Variants in BIN2 observed in about 807,000 individuals in gnomAD.
BIN2 encodes breast cancer associated protein BRAP1.
In BIN2, 43 loss-of-function variants were observed where a neutral mutation model predicts 67.9. The observed-to-expected ratio is 0.63, with a 90% CI of 0.50 to 0.82. The LOEUF (loss-of-function observed/expected upper bound fraction) is 0.82. BIN2 is among the 40% of genes least tolerant of loss of function. The pLI is 0.00. For missense variants in BIN2, 581 were observed against 671.6 expected (o/e 0.87, Z 1.49); for synonymous variants, 244 against 246.8 (o/e 0.99, Z 0.11).
chr12:51,288,171 T>A lies in BIN2; in HGVS notation c.1533A>T (p.Gly511=). The part of the protein sequence containing the change: ...LMTSQVASEP[G]EAKKMEDKEK... The stretch of plus-strand genomic sequence containing the variant: ...CCTTGTCTTCCATCTTCTTTGCCTC[T>A]CCAGGCTCTGAAGCAACCTGTGAAT... Residue 511 remains glycine (G), a synonymous_variant, in exon 11 of 13, where the codon GGA becomes GGT. Transcript: ENST00000615107. 1 of 1,613,924 alleles carries A rather than the reference T, an allele frequency of 6.2e-7. No individual in the cohort carries two copies. Among genetic ancestry groups the A allele is most frequent in the Non-Finnish European group, 8.5e-7 (1 of 1,179,790 alleles).
rs891553700 is a variant in BIN2 at position 51,288,320 on chromosome 12, G to A, written c.1516-132C>T. The A allele has an allele frequency of 2.6e-5, 17 of 660,438 alleles. No homozygotes were observed. The African/African-American group carries it at 3.1e-4, about 12-fold the overall frequency. 40.9% of individuals were successfully genotyped at this position (660,438 alleles called of 1,614,324 possible). On this transcript the variant is annotated intron_variant, in intron 10 of 12. Transcript: ENST00000615107. Reference sequence around the variant, plus strand: ...CCGAGGTAGCCTTGGTCAGACACAGGCAGTAGTAGGGTGGTGTGATCTAAC... The same window carrying A: ...CCGAGGTAGCCTTGGTCAGACACAGACAGTAGTAGGGTGGTGTGATCTAAC...
At chr12:51,299,019 G>A (rs1361363258) in intron 7 of BIN2, among the ~76,000 whole-genome samples, 184 bp downstream of exon 7, 1 of 151,438 alleles carries the variant, frequency 6.6e-6, no homozygotes, top group Non-Finnish European at 1.5e-5. Flanking sequence ...GTTGCAGTGA[G>A]CTGAGATTGA....
rs145913982 is a variant in BIN2 at position 51,285,769 on chromosome 12, G to A, written c.1597-982C>T. On this transcript the variant is annotated intron_variant, in intron 11 of 12. Transcript: ENST00000615107. ...CTCCCAAGTAGCTGGGATTACAGGC[G>A]CCCACCACCATGCCTGACTTTTAGT... Among the ~76,000 whole-genome samples the A allele has an allele frequency of 3.5e-3, 532 of 151,748 alleles. 1 individual carries two copies. The highest frequency in any genetic ancestry group is 0.012 in the African/African-American group (501 of 41,390).
chr12:51,293,476 A>AT (rs1318405361), intron 9 of BIN2, among the ~76,000 whole-genome samples: 304 of 151,050 alleles, frequency 2.0e-3, no homozygotes, highest in African/African-American at 6.9e-3. Context: ...TGCCCAGCTA[A>AT]TTTTTTTTTG....
At chr12:51,281,940 G>C (rs564245090) in intron 12 of BIN2, among the ~76,000 whole-genome samples, 8 of 152,110 alleles carry the variant, frequency 5.3e-5, no homozygotes, top group African/African-American at 1.9e-4. Context: ...AAAATTTGTT[G>C]CCTAGAATGG....
chr12:51,324,374 C>T, upstream of BIN2: 1 of 1,306,494 alleles, frequency 7.7e-7, no homozygotes, highest in Middle Eastern at 2.8e-4. Flanking sequence ...GAAACCTCGG[C>T]CTCACTGAAC....
chr12:51,297,576 A>G (rs901299825), intron 7 of BIN2, among the ~76,000 whole-genome samples: 25 of 151,976 alleles, frequency 1.6e-4, no homozygotes, highest in African/African-American at 5.8e-4. Flanking sequence ...TAAAAAATAA[A>G]AAAAGAAAGC....
chr12:51,288,925 T>G lies in BIN2; in HGVS notation c.1516-737A>C, dbSNP rs146352166. Among the ~76,000 whole-genome samples the G allele has an allele frequency of 2.6e-4, 39 of 152,084 alleles. No individual in the cohort carries two copies. In the Middle Eastern group the frequency reaches 0.014, roughly 53 times the overall value. On this transcript the variant is annotated intron_variant, in intron 10 of 12. Coordinates refer to ENST00000615107, the MANE Select transcript of BIN2 (RefSeq NM_016293.4). ...CACCATGCCCAACAAACTTTTTGTA[T>G]TTTTAGTAGAGACGGGGTTTCACCA...
intron 1 of BIN2, among the ~76,000 whole-genome samples, chr12:51,322,421 C>CA (rs1354050082): frequency 6.6e-6 from 1 of 152,058 alleles, no homozygotes; most frequent in East Asian, 1.9e-4. Flanking sequence ...TTTTTTGAGA[C>CA]AGAGTCTCCC....
At chr12:51,324,321 C>T (rs1946376028), upstream of BIN2, 1 of 1,347,390 alleles carries the variant, frequency 7.4e-7, no homozygotes, top group East Asian at 2.7e-5. Context: ...TACCCTCAGG[C>T]AGCGCTCGCT....
intron 2 of BIN2, among the ~76,000 whole-genome samples, chr12:51,306,880 T>C (rs1945876263): frequency 6.6e-6 from 1 of 152,200 alleles, no homozygotes; most frequent in Non-Finnish European, 1.5e-5. Context: ...GTTAAATGTA[T>C]ACAACATCTT....
chr12:51,295,604 A>T (rs1592260355), intron 9 of BIN2, among the ~76,000 whole-genome samples, 192 bp downstream of exon 9: 1 of 37,924 alleles, frequency 2.6e-5, no homozygotes, highest in Non-Finnish European at 5.9e-5. Context: ...ATATATATAT[A>T]TATATATATA....
intron 2 of BIN2, among the ~76,000 whole-genome samples, chr12:51,305,407 C>T (rs1017004647): frequency 6.6e-5 from 10 of 152,138 alleles, no homozygotes; most frequent in African/African-American, 2.2e-4. Flanking sequence ...AGGAGGATCA[C>T]GAGGTCAGGA....
chr12:51,305,012 C>T (rs1218781148), intron 2 of BIN2, among the ~76,000 whole-genome samples: 2 of 147,954 alleles, frequency 1.4e-5, no homozygotes, highest in Admixed American at 1.4e-4. Context: ...AGCCAGACTC[C>T]GTCTCAAAAC....
At chr12:51,303,018 G>A (rs1945771034) in intron 3 of BIN2, 69 bp downstream of exon 3, 1 of 1,542,280 alleles carries the variant, frequency 6.5e-7, no homozygotes, top group East Asian at 2.2e-5. Context: ...TATGGCTATT[G>A]TTTTCCACCC....
chr12:51,307,702 C>T (rs1226375423), intron 2 of BIN2, among the ~76,000 whole-genome samples: 1 of 149,686 alleles, frequency 6.7e-6, no homozygotes, highest in Non-Finnish European at 1.5e-5. Flanking sequence ...AAGAGAGAAA[C>T]TCCGTCTCAA....
Position 51,297,131 on chromosome 12 carries a change from G to A in BIN2, c.636C>T (p.Asn212=). 1 of 1,614,076 alleles carries A rather than the reference G, an allele frequency of 6.2e-7. No homozygotes were observed. Among genetic ancestry groups the A allele is most frequent in the Non-Finnish European group, 8.5e-7 (1 of 1,179,946 alleles). ...RIGCYVTIFQ[N]ISNLRDVFYR... The stretch of plus-strand genomic sequence containing the variant: ...AGAAGACATCCCTCAAGTTGGAAAT[G>A]TTTTGGAAGATGGTCACATAGCAGC... Residue 212 remains asparagine, a synonymous_variant, in exon 8 of 13, where the codon AAC becomes AAT. Coordinates refer to ENST00000615107, the MANE Select transcript of BIN2 (RefSeq NM_016293.4).
intron 8 of BIN2, 103 bp from the exon 9 acceptor site, chr12:51,295,981 C>T: frequency 1.1e-6 from 1 of 881,644 alleles, no homozygotes; most frequent in Middle Eastern, 2.3e-4. Flanking sequence ...ATAAAACCTC[C>T]CCCTTTCAAT....
At chr12:51,301,761 C>T (rs779932261) in intron 5 of BIN2, among the ~76,000 whole-genome samples, 2 of 152,036 alleles carry the variant, frequency 1.3e-5, no homozygotes, top group Non-Finnish European at 2.9e-5. Flanking sequence ...TCTCTTGCAT[C>T]GGCCTCCCAA....
Sources: allele counts gnomAD v4.1 joint callset (sites outside exome capture counted in the v4.1 genomes callset), GRCh38; gene constraint gnomAD v4.1.1; transcripts MANE v1.5; gene names NCBI Gene and HGNC (gene_info 2026-07-23, HGNC 2026-07-21).